EYS: variants seen among roughly 807,000 people sequenced by gnomAD.
EYS encodes the protein protein eyes shut homolog.
In EYS, 250 loss-of-function variants were observed where a neutral mutation model predicts 282.1. The ratio of observed to expected loss-of-function variants is 0.89; its 90% confidence interval spans 0.80 to 0.98. The LOEUF (loss-of-function observed/expected upper bound fraction) is 0.98, where lower values mean the gene tolerates loss of function less well. EYS is among the 50% of genes least tolerant of loss of function. EYS has a pLI of 0.00. For missense variants in EYS, 4,016 were observed against 3,709.0 expected, an observed-to-expected ratio of 1.08 and a Z score of -2.15; for synonymous variants, 1,355 against 1,282.9, an observed-to-expected ratio of 1.06 and a Z score of -1.20.
intron 10 of EYS, among the ~76,000 whole-genome samples, chr6:65,339,172 AAAT>A (rs1770104041): frequency 6.6e-6 from 1 of 151,222 alleles, no homozygotes; most frequent in South Asian, 2.1e-4. Flanking sequence ...TGGATCCTTA[AAAT>A]AATATCTGTC....
At chr6:65,645,898 C>A (rs1382792147) in intron 1 of EYS, among the ~76,000 whole-genome samples, 1 of 151,954 alleles carries the variant, frequency 6.6e-6, no homozygotes, top group African/African-American at 2.4e-5. Flanking sequence ...ACTACGAACA[C>A]CTTTATGCAC....
At chr6:63,871,992 G>A (rs181774715) in intron 35 of EYS, among the ~76,000 whole-genome samples, 1 of 152,260 alleles carries the variant, frequency 6.6e-6, no homozygotes, top group Non-Finnish European at 1.5e-5. Context: ...CAGCTTCTAG[G>A]TGTCCCAGTG....
intron 19 of EYS, among the ~76,000 whole-genome samples, chr6:64,842,606 C>T (rs561510528): frequency 1.4e-3 from 220 of 151,792 alleles, no homozygotes; most frequent in African/African-American, 2.2e-3. Flanking sequence ...ATGCTAAGGT[C>T]CAGGCTGAGG....
chr6:65,112,481 A>C (rs1407482768), intron 12 of EYS, among the ~76,000 whole-genome samples: 1 of 152,184 alleles, frequency 6.6e-6, no homozygotes, highest in Non-Finnish European at 1.5e-5. Flanking sequence ...AAAGAAAAAC[A>C]AAATCAAATT....
intron 22 of EYS, among the ~76,000 whole-genome samples, chr6:64,802,025 T>TTTTTTG (rs1562199407): frequency 1.8e-5 from 2 of 111,134 alleles, no homozygotes; most frequent in African/African-American, 7.6e-5. Context: ...TTCTTTTTCT[T>TTTTTTG]TTTTTTTCTT....
chr6:64,156,217 T>G (rs896356495), intron 31 of EYS, among the ~76,000 whole-genome samples: 5 of 152,100 alleles, frequency 3.3e-5, no homozygotes, highest in Admixed American at 1.3e-4. Flanking sequence ...CATACAGTTC[T>G]CATGGTAGTG....
intron 26 of EYS, among the ~76,000 whole-genome samples, chr6:64,580,024 A>T (rs1443932347): frequency 6.6e-6 from 1 of 151,996 alleles, no homozygotes; most frequent in Non-Finnish European, 1.5e-5. Flanking sequence ...ATATTTATTT[A>T]TTTTTTTAAG....
intron 12 of EYS, among the ~76,000 whole-genome samples, chr6:65,150,697 C>T (rs1764591569): frequency 1.6e-5 from 1 of 63,264 alleles, no homozygotes. Flanking sequence ...TAATATCACT[C>T]TCTAGAGCAT....
At chr6:64,789,552 T>G (rs138287173) in intron 22 of EYS, among the ~76,000 whole-genome samples, 77 of 152,244 alleles carry the variant, frequency 5.1e-4, no homozygotes, top group Non-Finnish European at 8.2e-4. Context: ...ATACCGTAGT[T>G]TAGCTGTAAC....
intron 22 of EYS, among the ~76,000 whole-genome samples, chr6:64,807,023 G>T (rs9345522): frequency 0.51 from 77,600 of 151,774 alleles, 21,122 homozygotes; most frequent in Admixed American, 0.67. Context: ...GCTTTTACAG[G>T]TTAATAAAAC....
At chr6:64,068,177 A>G (rs939113463) in intron 32 of EYS, among the ~76,000 whole-genome samples, 1 of 152,068 alleles carries the variant, frequency 6.6e-6, no homozygotes, top group Admixed American at 6.6e-5. Context: ...GATTTTACCT[A>G]TTCTGTTTAT....
chr6:64,792,857 C>CGTGTGTGTGTGTGTGT (rs61516922), intron 22 of EYS, among the ~76,000 whole-genome samples: 165 of 148,424 alleles, frequency 1.1e-3, no homozygotes, highest in South Asian at 3.2e-3. Flanking sequence ...GATCTTGACA[C>CGTGTGTGTGTGTGTGT]GTGTGTGTGT....
chr6:65,205,464 C>T lies in EYS; in HGVS notation c.2023+90399G>A, dbSNP rs549462904. ...ATAGCAATACAATATTAATTGGGAACTTCAACACCTCACTGACAACACTAA... is the reference window on the plus strand; with the variant it reads ...ATAGCAATACAATATTAATTGGGAATTTCAACACCTCACTGACAACACTAA... On this transcript the variant is annotated intron_variant, in intron 12 of 42. Transcript: ENST00000503581. 4.6e-5 allele frequency among the ~76,000 whole-genome samples: 7 copies of T among 151,926 alleles called. No individual in the cohort carries two copies. The East Asian group carries it at 1.4e-3, about 29-fold the overall frequency.
intron 21 of EYS, among the ~76,000 whole-genome samples, chr6:64,820,738 G>C (rs1764874143): frequency 6.6e-6 from 1 of 152,040 alleles, no homozygotes; most frequent in African/African-American, 2.4e-5. Context: ...ACACACAGTA[G>C]GTAAGTAGCA....
chr6:63,799,495 T>G (rs1294456177), intron 37 of EYS, among the ~76,000 whole-genome samples: 1 of 152,144 alleles, frequency 6.6e-6, no homozygotes, highest in Non-Finnish European at 1.5e-5. Flanking sequence ...ATTAGCTAAC[T>G]AGGATAGCCT....
intron 26 of EYS, among the ~76,000 whole-genome samples, chr6:64,538,425 T>C (rs1764595935): frequency 6.6e-6 from 1 of 152,220 alleles, no homozygotes; most frequent in Admixed American, 6.5e-5. Context: ...TGGTAAGGTA[T>C]GCATATTTAG....
rs1414046323 is a variant in EYS at position 65,384,632 on chromosome 6, C to A, written c.1185-132G>T. The A allele has an allele frequency of 5.1e-6, 3 of 593,696 alleles. No homozygotes were observed. In the East Asian group the frequency reaches 8.7e-5, roughly 17 times the overall value. 36.8% of individuals were successfully genotyped at this position (593,696 alleles called of 1,614,324 possible). A position where few individuals can be genotyped will look rare whatever the true frequency, so the allele number is the denominator to read the frequency against. On this transcript the variant is annotated intron_variant, in intron 7 of 42. Transcript: ENST00000503581. ...ATTATTAATCATTTTTTAATACATA[C>A]CTGTGATCTTAGCCAAAAAGCTCCT...
chr6:64,423,334 A>C (rs1486741920), intron 28 of EYS, among the ~76,000 whole-genome samples: 1 of 152,236 alleles, frequency 6.6e-6, no homozygotes, highest in Non-Finnish European at 1.5e-5. Flanking sequence ...TAAGCAATTT[A>C]ATTTCCTAGT....
At chr6:64,600,712 C>T (rs531144980) in intron 24 of EYS, among the ~76,000 whole-genome samples, 4 of 152,106 alleles carry the variant, frequency 2.6e-5, no homozygotes, top group South Asian at 2.1e-4. Flanking sequence ...ACTGAATGGC[C>T]GGGGCTAATA....
Sources: gnomAD v4.1 joint callset for allele counts (sites outside exome capture counted in the v4.1 genomes callset) on GRCh38, gnomAD v4.1.1 for gene constraint, MANE v1.5 for transcripts, NCBI Gene and HGNC (gene_info 2026-07-23, HGNC 2026-07-21) for gene names.